The following CTDSPL variants were observed in gnomAD, a reference collection of about 807,000 sequenced individuals.
The protein encoded by CTDSPL is CTD small phosphatase-like protein.
CTDSPL carries 8 observed loss-of-function variants against 30.5 expected under a neutral mutation model. The ratio of observed to expected loss-of-function variants is 0.26; its 90% CI spans 0.15 to 0.47. The LOEUF (loss-of-function observed/expected upper bound fraction) is 0.47. Ranked by LOEUF, CTDSPL falls within the 20% of genes least tolerant of loss-of-function variation. The pLI, the probability that CTDSPL is intolerant of heterozygous loss-of-function variation, is 0.99. For synonymous variants in CTDSPL, 110 were observed against 137.9 expected (o/e 0.80, Z 1.42); for missense variants, 248 against 366.1 (o/e 0.68, Z 2.63).
At chr3:37,918,336 C>G (rs150286834) in intron 1 of CTDSPL, among the ~76,000 whole-genome samples, 77 of 152,198 alleles carry the variant, frequency 5.1e-4, no homozygotes, top group African/African-American at 1.8e-3. Flanking sequence ...TCAGCCTGTC[C>G]CCATTGCCTG....
intron 1 of CTDSPL, among the ~76,000 whole-genome samples, chr3:37,869,002 C>G (rs1698043289): frequency 6.6e-6 from 1 of 152,108 alleles, no homozygotes; most frequent in South Asian, 2.1e-4. Context: ...GGAGAACTGA[C>G]ATCTTTTCTA....
At chr3:37,952,356 C>A (rs1018240492) in intron 2 of CTDSPL, among the ~76,000 whole-genome samples, 6 of 152,190 alleles carry the variant, frequency 3.9e-5, no homozygotes, top group Middle Eastern at 3.2e-3. Flanking sequence ...TCTGATGATG[C>A]CATCAAGAAT....
chr3:37,925,453 C>T (rs897308181), intron 1 of CTDSPL, among the ~76,000 whole-genome samples: 31 of 152,178 alleles, frequency 2.0e-4, no homozygotes, highest in Non-Finnish European at 2.8e-4. Context: ...CTTCTCCTCC[C>T]GCTGGGGCTT....
intron 1 of CTDSPL, among the ~76,000 whole-genome samples, chr3:37,908,824 A>G (rs956228975): frequency 5.9e-5 from 9 of 152,184 alleles, no homozygotes; most frequent in South Asian, 2.1e-4. Flanking sequence ...GCCAGTGTAC[A>G]TTGTTTTTAT....
intron 1 of CTDSPL, among the ~76,000 whole-genome samples, chr3:37,886,892 A>G (rs1427714219): frequency 6.6e-6 from 1 of 152,140 alleles, no homozygotes; most frequent in Non-Finnish European, 1.5e-5. Context: ...TTTCCAAGAA[A>G]ACCTCCCTGG....
intron 1 of CTDSPL, among the ~76,000 whole-genome samples, chr3:37,864,922 T>C (rs1697992333): frequency 6.6e-6 from 1 of 152,170 alleles, no homozygotes; most frequent in Admixed American, 6.5e-5. Flanking sequence ...AATGACTACC[T>C]CTGGGGTGTG....
At chr3:37,944,915 G>A (rs1165634147) in intron 1 of CTDSPL, 3 of 150,484 alleles carry the variant, frequency 2.0e-5, no homozygotes, top group Admixed American at 6.7e-5. Context: ...TAATCATGTG[G>A]TAGAAATTAT....
intron 1 of CTDSPL, among the ~76,000 whole-genome samples, chr3:37,866,084 A>G (rs1166858237): frequency 2.6e-5 from 4 of 152,246 alleles, no homozygotes; most frequent in Admixed American, 2.0e-4. Flanking sequence ...TCAAAGAAAC[A>G]TGTACAAGGA....
intron 1 of CTDSPL, among the ~76,000 whole-genome samples, chr3:37,927,388 T>TCCTA (rs978883127): frequency 6.6e-6 from 1 of 152,084 alleles, no homozygotes; most frequent in African/African-American, 2.4e-5. Context: ...TAGATTTGGG[T>TCCTA]CCTATCCCCC....
At chr3:37,948,387 A>C (rs1229420665) in intron 2 of CTDSPL, among the ~76,000 whole-genome samples, 1 of 152,248 alleles carries the variant, frequency 6.6e-6, no homozygotes, top group Non-Finnish European at 1.5e-5. Flanking sequence ...TATTAATCTC[A>C]GTCAAAATGG....
intron 1 of CTDSPL, among the ~76,000 whole-genome samples, chr3:37,941,855 A>G (rs1237433348): frequency 6.7e-6 from 1 of 150,342 alleles, no homozygotes; most frequent in African/African-American, 2.4e-5. Context: ...TCCTCCTTGC[A>G]TGGTCCTCCT....
chr3:37,896,213 A>G (rs542150010), intron 1 of CTDSPL, among the ~76,000 whole-genome samples: 26 of 152,356 alleles, frequency 1.7e-4, no homozygotes, highest in African/African-American at 5.8e-4. Context: ...GATTGAATGC[A>G]GAATTTGATA....
In CTDSPL at chr3:37,915,277, T is replaced by C. The variant is rs1438088361; in HGVS notation, c.80-31780T>C. On this transcript the variant is annotated intron_variant, in intron 1 of 7. Coordinates refer to ENST00000273179, the MANE Select transcript of CTDSPL (RefSeq NM_001008392.2). ...TGGTGCTGAGCAGTTTACTATGATT[T>C]GCTTAGGTATAGTTTTATTTTTATT... 2.0e-5 allele frequency among the ~76,000 whole-genome samples: 3 copies of C among 152,320 alleles called. No individual in the cohort carries two copies. In the East Asian group the frequency reaches 5.8e-4, roughly 29 times the overall value.
intron 1 of CTDSPL, among the ~76,000 whole-genome samples, chr3:37,896,472 T>C (rs1451641612): frequency 2.0e-5 from 3 of 152,126 alleles, no homozygotes; most frequent in Non-Finnish European, 4.4e-5. Context: ...ATTCAATAGA[T>C]AGGTAGGAGA....
chr3:37,874,189 C>T (rs1449883062), intron 1 of CTDSPL, among the ~76,000 whole-genome samples: 1 of 152,202 alleles, frequency 6.6e-6, no homozygotes, highest in Non-Finnish European at 1.5e-5. Context: ...GAAACTTGCC[C>T]CAAGCTGTAC....
intron 7 of CTDSPL, among the ~76,000 whole-genome samples, chr3:37,977,038 A>G (rs1699436002): frequency 6.6e-6 from 1 of 152,254 alleles, no homozygotes. Flanking sequence ...ATAACCAAAA[A>G]AAATTCAAAC....
chr3:37,956,445 A>C (rs527839522), intron 2 of CTDSPL, among the ~76,000 whole-genome samples: 1 of 152,336 alleles, frequency 6.6e-6, no homozygotes, highest in African/African-American at 2.4e-5. Context: ...TGCTATAATG[A>C]AGTGTTTCCA....
rs377589276 is a variant in CTDSPL at position 37,894,263 on chromosome 3, A to AT, written c.79+31997dup. 2.2e-3 allele frequency among the ~76,000 whole-genome samples: 325 copies of AT among 146,246 alleles called. 1 individual carries two copies. Among genetic ancestry groups the AT allele is most frequent in the South Asian group, 8.2e-3 (38 of 4,644 alleles). ...TATCCAGCTAACTTTAAAAAAAGTT[A>AT]TTTTTTTTTTTTGTAGAGACGAGAG... On this transcript the variant is annotated intron_variant, in intron 1 of 7. Transcript: ENST00000273179.
At chr3:37,979,228 TGAG>T (rs890928638) in intron 7 of CTDSPL, among the ~76,000 whole-genome samples, 10 of 151,198 alleles carry the variant, frequency 6.6e-5, no homozygotes, top group Admixed American at 4.6e-4. Flanking sequence ...TTTGGGAGGC[TGAG>T]GAGGGAGGAT....
Sources: allele counts gnomAD v4.1 joint callset (sites outside exome capture counted in the v4.1 genomes callset), GRCh38; gene constraint gnomAD v4.1.1; transcripts MANE v1.5; gene names NCBI Gene and HGNC (gene_info 2026-07-23, HGNC 2026-07-21).